Variants in MMP26 observed in about 807,000 individuals in gnomAD.
The protein encoded by MMP26 is matrix metallopeptidase 26.
In MMP26, 33 loss-of-function variants were observed where a neutral mutation model predicts 31.0. That is an observed-to-expected ratio of 1.06 (90% CI 0.81 to 1.42). The LOEUF is 1.42. Ranked by LOEUF, MMP26 falls within the 40% of genes most tolerant of loss-of-function variation. The probability of loss-of-function intolerance (pLI) is 0.00; values close to 1 mark genes in which losing one functional copy is unlikely to be tolerated. For missense variants in MMP26, 347 were observed against 316.1 expected (o/e 1.10, Z -0.74); for synonymous variants, 122 against 114.9 (o/e 1.06, Z -0.40).
intron 2 of MMP26, among the ~76,000 whole-genome samples, chr11:4,880,284 C>T (rs1454812212): frequency 6.6e-6 from 1 of 151,928 alleles, no homozygotes; most frequent in African/African-American, 2.4e-5. Context: ...CTGATGTGAC[C>T]AGGTAAGACG....
At chr11:4,740,433 C>T (rs1436928508) in intron 1 of MMP26, among the ~76,000 whole-genome samples, 1 of 151,974 alleles carries the variant, frequency 6.6e-6, no homozygotes, top group Non-Finnish European at 1.5e-5. Context: ...CCTGTAATCC[C>T]AGCACTTTGG....
At chr11:4,855,889 C>A in intron 2 of MMP26, among the ~76,000 whole-genome samples, 1 of 152,194 alleles carries the variant, frequency 6.6e-6, no homozygotes, top group Non-Finnish European at 1.5e-5. Context: ...AGAAACTCTA[C>A]AAGCCAGAAG....
intron 2 of MMP26, chr11:4,912,863 T>TA (rs1851011918): frequency 6.6e-6 from 1 of 152,170 alleles, no homozygotes; most frequent in Non-Finnish European, 1.5e-5. Flanking sequence ...TAGATTAACT[T>TA]ACGTCTCACT....
At chr11:4,756,016 C>T (rs979036044) in intron 1 of MMP26, among the ~76,000 whole-genome samples, 1 of 151,906 alleles carries the variant, frequency 6.6e-6, no homozygotes, top group African/African-American at 2.4e-5. Context: ...ATCAGTATCT[C>T]AAATGTAAAA....
At chr11:4,857,605 TC>T (rs1406625968) in intron 2 of MMP26, among the ~76,000 whole-genome samples, 2 of 151,998 alleles carry the variant, frequency 1.3e-5, no homozygotes, top group Non-Finnish European at 2.9e-5. Flanking sequence ...CCAAAAAAAG[TC>T]CAGGACCAGA....
intron 2 of MMP26, among the ~76,000 whole-genome samples, chr11:4,896,900 A>G (rs1330945974): frequency 6.6e-6 from 1 of 152,144 alleles, no homozygotes; most frequent in Non-Finnish European, 1.5e-5. Context: ...ATGCAAATAC[A>G]TTAAGATGGC....
chr11:4,898,628 A>T (rs1392982503), intron 2 of MMP26, among the ~76,000 whole-genome samples: 1 of 152,146 alleles, frequency 6.6e-6, no homozygotes, highest in Non-Finnish European at 1.5e-5. Flanking sequence ...TAACAAAAAT[A>T]ATGTTAAAAG....
In MMP26 at chr11:4,989,884, G is replaced by T; in HGVS notation, c.320+16G>T. ...TAACTTACAGGTGCTTGTTACTAAG[G>T]CCTAGAGGATAATGTGTGGGGTGAT... On this transcript the variant is annotated intron_variant, in intron 4 of 7. Transcript: ENST00000380390. 6.3e-7 allele frequency: 1 copy of T among 1,594,532 alleles called. No individual in the cohort carries two copies.
rs540164404 is a variant in MMP26 at position 4,940,166 on chromosome 11, C to T, written c.-144-47902C>T. Among the ~76,000 whole-genome samples, 14 of 152,014 alleles carry T rather than the reference C, an allele frequency of 9.2e-5. No individual in the cohort carries two copies. The South Asian group carries it at 2.5e-3, about 27-fold the overall frequency. ...TTTCTCACTTAGGTGATTATTTTAT[C>T]CATTTTATACATAAAACAACACAAA... On this transcript the variant is annotated intron_variant, in intron 2 of 7. Transcript: ENST00000380390.
At chr11:4,814,762 C>T (rs1228882179) in intron 2 of MMP26, among the ~76,000 whole-genome samples, 2 of 152,002 alleles carry the variant, frequency 1.3e-5, no homozygotes, top group Non-Finnish European at 2.9e-5. Flanking sequence ...ATTAATAAAC[C>T]AACCCTTAAT....
At chr11:4,895,137 TG>T (rs1345185865) in intron 2 of MMP26, among the ~76,000 whole-genome samples, 3 of 152,216 alleles carry the variant, frequency 2.0e-5, no homozygotes, top group Non-Finnish European at 4.4e-5. Flanking sequence ...AAATTGATTT[TG>T]TAAAGAAAGC....
chr11:4,781,410 G>A (rs190325936), intron 2 of MMP26, among the ~76,000 whole-genome samples: 4 of 89,350 alleles, frequency 4.5e-5, no homozygotes, highest in East Asian at 4.0e-4. Flanking sequence ...AGCCGGGCGC[G>A]GTGGCGGGCG....
At chr11:4,830,912 G>A (rs1433913660) in intron 2 of MMP26, among the ~76,000 whole-genome samples, 1 of 152,162 alleles carries the variant, frequency 6.6e-6, no homozygotes, top group Non-Finnish European at 1.5e-5. Context: ...TCTGAGCAGG[G>A]CCAGTAGCAA....
chr11:4,809,891 T>G (rs1274786608), intron 2 of MMP26, among the ~76,000 whole-genome samples: 1 of 152,200 alleles, frequency 6.6e-6, no homozygotes, highest in Non-Finnish European at 1.5e-5. Context: ...GAAGTACAGA[T>G]GATCACTCAC....
Position 4,988,085 on chromosome 11 carries a change from A to T in MMP26, c.-127A>T. On this transcript the variant is annotated 5_prime_UTR_variant, in exon 3 of 8. Transcript: ENST00000380390. ...CTCAGCAGGTATGGATGATGACGCCACTCACAGATTCAAAGAAAGGGCAAA... is the reference window on the plus strand; with the variant it reads ...CTCAGCAGGTATGGATGATGACGCCTCTCACAGATTCAAAGAAAGGGCAAA... The T allele has an allele frequency of 1.2e-6, 1 of 801,956 alleles. No homozygotes were observed. The highest frequency in any genetic ancestry group is 2.2e-6 in the Non-Finnish European group (1 of 453,488). The allele number at this position is 801,956 out of a possible 1,614,324, so 49.7% of individuals were successfully genotyped here.
chr11:4,877,889 A>G (rs1453214997), intron 2 of MMP26: 1 of 152,202 alleles, frequency 6.6e-6, no homozygotes, highest in East Asian at 1.9e-4. Flanking sequence ...TCAAACATTT[A>G]TGTATAATAA....
At chr11:4,907,439 C>A (rs1850914066) in intron 2 of MMP26, 1 of 1,613,826 alleles carries the variant, frequency 6.2e-7, no homozygotes, top group Non-Finnish European at 8.5e-7. Flanking sequence ...GGAACATGCC[C>A]ACATTTGGTT....
At chr11:4,875,168 G>C (rs1043752618) in intron 2 of MMP26, 3 of 152,058 alleles carry the variant, frequency 2.0e-5, no homozygotes, top group Non-Finnish European at 4.4e-5. Context: ...CTCTAATGAA[G>C]AGAAAAGTAA....
chr11:4,959,502 A>C lies in MMP26; in HGVS notation c.-144-28566A>C, dbSNP rs549901318. 7.9e-5 allele frequency among the ~76,000 whole-genome samples: 12 copies of C among 152,168 alleles called. No individual in the cohort carries two copies. The East Asian group carries it at 1.2e-3, about 15-fold the overall frequency. ...TCCCTGCCCTCTCTTCTGCTAGGCT[A>C]TACACACTTTAGCCTCTAGAATGTC... On this transcript the variant is annotated intron_variant, in intron 2 of 7. Transcript: ENST00000380390.
Sources: allele counts gnomAD v4.1 joint callset (sites outside exome capture counted in the v4.1 genomes callset), GRCh38; gene constraint gnomAD v4.1.1; transcripts MANE v1.5; gene names NCBI Gene and HGNC (gene_info 2026-07-23, HGNC 2026-07-21).